Variants in NRG3 observed in about 807,000 individuals in gnomAD.
The protein encoded by NRG3 is neuregulin 3, also known as pro-neuregulin-3, membrane-bound isoform.
NRG3 carries 31 observed loss-of-function variants against 66.9 expected under a neutral mutation model. That is an observed-to-expected ratio of 0.46 (90% CI 0.35 to 0.63). NRG3 has a LOEUF of 0.63. Ranked by LOEUF, NRG3 falls within the 20% of genes least tolerant of loss-of-function variation. The pLI, the probability that NRG3 is intolerant of heterozygous loss-of-function variation, is 0.00. For missense variants in NRG3, 910 were observed against 878.9 expected, an observed-to-expected ratio of 1.04 and a Z score of -0.45; for synonymous variants, 393 against 359.4, an observed-to-expected ratio of 1.09 and a Z score of -1.06.
At chr10:82,745,880 A>C (rs1216097390) in intron 3 of NRG3, among the ~76,000 whole-genome samples, 1 of 152,078 alleles carries the variant, frequency 6.6e-6, no homozygotes, top group Non-Finnish European at 1.5e-5. Flanking sequence ...ATACATATGT[A>C]TTCATTTTTA....
intron 1 of NRG3, among the ~76,000 whole-genome samples, chr10:82,291,671 A>G (rs1322240182): frequency 6.6e-6 from 1 of 152,200 alleles, no homozygotes; most frequent in East Asian, 1.9e-4. Flanking sequence ...TGCCCACATG[A>G]TTTTTGACAA....
At chr10:82,177,781 A>G (rs2073140581) in intron 1 of NRG3, among the ~76,000 whole-genome samples, 2 of 152,186 alleles carry the variant, frequency 1.3e-5, no homozygotes, top group South Asian at 4.1e-4. Flanking sequence ...TTGTTATTAA[A>G]CATGAACAAA....
chr10:82,485,507 G>A (rs1256059532), intron 2 of NRG3, among the ~76,000 whole-genome samples: 1 of 147,982 alleles, frequency 6.8e-6, no homozygotes, highest in Non-Finnish European at 1.5e-5. Context: ...ATTTTCGAAG[G>A]GTAATCTAAT....
At chr10:82,948,042 T>C (rs1259157710) in intron 4 of NRG3, among the ~76,000 whole-genome samples, 1 of 148,776 alleles carries the variant, frequency 6.7e-6, no homozygotes, top group African/African-American at 2.6e-5. Flanking sequence ...AATTTTGTAG[T>C]TTAAACTTTA....
chr10:82,028,037 C>T (rs2062395837), intron 1 of NRG3, among the ~76,000 whole-genome samples: 1 of 152,112 alleles, frequency 6.6e-6, no homozygotes, highest in Admixed American at 6.6e-5. Context: ...TTTTTCTCAA[C>T]TTCCATTAGA....
At chr10:82,303,165 A>T (rs1251355090) in intron 1 of NRG3, among the ~76,000 whole-genome samples, 1 of 152,188 alleles carries the variant, frequency 6.6e-6, no homozygotes, top group African/African-American at 2.4e-5. Flanking sequence ...AATAGGCTTG[A>T]TGTTCACTCC....
intron 3 of NRG3, among the ~76,000 whole-genome samples, chr10:82,817,259 A>G (rs1458752825): frequency 2.0e-5 from 3 of 152,212 alleles, no homozygotes; most frequent in African/African-American, 7.2e-5. Flanking sequence ...GAATCTCTCA[A>G]GCTACAGATT....
intron 2 of NRG3, among the ~76,000 whole-genome samples, chr10:82,359,183 T>C (rs976196147): frequency 1.3e-5 from 2 of 152,234 alleles, no homozygotes; most frequent in Non-Finnish European, 2.9e-5. Flanking sequence ...GATGTGGAGC[T>C]TAGGCATATA....
chr10:82,318,737 G>A (rs939673807), intron 1 of NRG3, among the ~76,000 whole-genome samples: 1 of 152,038 alleles, frequency 6.6e-6, no homozygotes, highest in Non-Finnish European at 1.5e-5. Context: ...CAGCCCCCAC[G>A]GCACAGAACA....
chr10:82,229,817 G>A (rs1489953090), intron 1 of NRG3, among the ~76,000 whole-genome samples: 1 of 152,076 alleles, frequency 6.6e-6, no homozygotes, highest in Non-Finnish European at 1.5e-5. Flanking sequence ...ACCATATTAA[G>A]TATAGGAAAG....
intron 1 of NRG3, among the ~76,000 whole-genome samples, chr10:81,967,050 T>A (rs1488953838): frequency 6.6e-6 from 1 of 151,978 alleles, no homozygotes; most frequent in African/African-American, 2.4e-5. Context: ...TTCTATTTTA[T>A]ACACTTAAGG....
At chr10:82,809,282 T>A (rs2061404660) in intron 3 of NRG3, among the ~76,000 whole-genome samples, 1 of 152,174 alleles carries the variant, frequency 6.6e-6, no homozygotes, top group Admixed American at 6.5e-5. Flanking sequence ...TTAAACAAAG[T>A]AGAAGATATG....
chr10:82,600,103 G>A (rs993242355), intron 2 of NRG3, among the ~76,000 whole-genome samples: 10 of 152,026 alleles, frequency 6.6e-5, no homozygotes, highest in African/African-American at 2.2e-4. Context: ...TAAATTTGTT[G>A]AAATTTTTGA....
intron 2 of NRG3, among the ~76,000 whole-genome samples, chr10:82,450,979 A>G (rs946468489): frequency 6.6e-6 from 1 of 152,158 alleles, no homozygotes; most frequent in African/African-American, 2.4e-5. Context: ...ATTTTTCTAA[A>G]TTAAAAGCCT....
At chr10:82,957,671 C>T (rs1850190260) in intron 5 of NRG3, among the ~76,000 whole-genome samples, 1 of 151,860 alleles carries the variant, frequency 6.6e-6, no homozygotes, top group Admixed American at 6.6e-5. Flanking sequence ...TGCCCAGCAA[C>T]TTCCTGTCCA....
chr10:82,617,296 T>C (rs540711160), intron 2 of NRG3, among the ~76,000 whole-genome samples: 1 of 135,838 alleles, frequency 7.4e-6, no homozygotes, highest in Non-Finnish European at 1.6e-5. Flanking sequence ...ATCACACATA[T>C]ACACACACCA....
In NRG3 at chr10:81,877,591, G is replaced by T. The variant is rs1224386092; in HGVS notation, c.823+1428G>T. On this transcript the variant is annotated intron_variant, in intron 1 of 8. Transcript: ENST00000372141. ...AACTTTTTTCTTTTTAAAGAATGTA[G>T]TGTATTTGTAAGTAAGGTCCAGGAG... 4.0e-6 allele frequency: 3 copies of T among 757,170 alleles called. No individual in the cohort carries two copies. In the East Asian group the frequency reaches 2.7e-4, roughly 69 times the overall value. 46.9% of individuals were successfully genotyped at this position (757,170 alleles called of 1,614,324 possible). A position where few individuals can be genotyped will look rare whatever the true frequency, so the allele number is the denominator to read the frequency against.
At chr10:82,438,034 G>T (rs1273892731) in intron 2 of NRG3, among the ~76,000 whole-genome samples, 1 of 152,202 alleles carries the variant, frequency 6.6e-6, no homozygotes, top group Non-Finnish European at 1.5e-5. Context: ...AGTTGGGTAG[G>T]ATGGGGAACA....
At chr10:82,017,042 G>A (rs530432639) in intron 1 of NRG3, among the ~76,000 whole-genome samples, 29 of 152,168 alleles carry the variant, frequency 1.9e-4, no homozygotes, top group South Asian at 1.9e-3. Context: ...CCATTAACTC[G>A]TAATTTACAT....
Sources: allele counts gnomAD v4.1 joint callset (sites outside exome capture counted in the v4.1 genomes callset), GRCh38; gene constraint gnomAD v4.1.1; transcripts MANE v1.5; gene names NCBI Gene and HGNC (gene_info 2026-07-23, HGNC 2026-07-21).